ZNF679: variants seen among roughly 807,000 people sequenced by gnomAD.
ZNF679 encodes the protein hypothetical protein MGC42415.
ZNF679 carries 10 observed loss-of-function variants against 13.4 expected under a neutral mutation model. The ratio of observed to expected loss-of-function variants is 0.75; its 90% CI spans 0.46 to 1.27. The LOEUF is 1.27. Ranked by LOEUF, ZNF679 falls within the 50% of genes most tolerant of loss-of-function variation. ZNF679 has a pLI of 0.00. For synonymous variants in ZNF679, 179 were observed against 162.5 expected (o/e 1.10, Z -0.77); for missense variants, 525 against 477.8 (o/e 1.10, Z -0.92).
intron 1 of ZNF679, among the ~76,000 whole-genome samples, chr7:64,241,844 A>G (rs1340036696): frequency 6.6e-6 from 1 of 152,234 alleles, no homozygotes; most frequent in African/African-American, 2.4e-5. Context: ...GGTATATGTT[A>G]CAATCTTAAC....
At chr7:64,246,943 A>G (rs777125103) in intron 1 of ZNF679, among the ~76,000 whole-genome samples, 44 of 152,184 alleles carry the variant, frequency 2.9e-4, no homozygotes, top group Non-Finnish European at 3.2e-4. Context: ...ATGCTAAACA[A>G]GGGGTGGATT....
At chr7:64,247,858 G>GTT (rs75515984) in intron 1 of ZNF679, among the ~76,000 whole-genome samples, 39 of 147,974 alleles carry the variant, frequency 2.6e-4, no homozygotes, top group South Asian at 6.4e-4. Context: ...GCCCTACCAT[G>GTT]TTTTTTTTTT....
Position 64,266,801 on chromosome 7 carries a change from A to G in ZNF679, c.1168A>G (p.Lys390Glu). ...YKCEECDKAF[K>E]WSSSLANHKS... ...ATGTGAAGAATGTGACAAAGCTTTT[A>G]AGTGGTCCTCAAGTCTTGCTAATCA... The change falls in exon 5 of 5, where the codon AAG (lysine) becomes GAG (glutamate). Residue 390 changes from lysine to glutamate, a missense_variant. Physicochemically the swap from Lys to Glu is moderately conservative, Grantham distance 56. Transcript: ENST00000421025. 6.2e-7 allele frequency: 1 copy of G among 1,606,504 alleles called. No homozygotes were observed. The highest frequency in any genetic ancestry group is 1.7e-5 in the Admixed American group (1 of 58,772).
At position 64,266,479 on chromosome 7, in the gene ZNF679, A is replaced by T. The variant is rs778775086; in HGVS notation, c.846A>T (p.Thr282=). 6.2e-7 allele frequency: 1 copy of T among 1,611,936 alleles called. No individual in the cohort carries two copies. The highest frequency in any genetic ancestry group is 8.5e-7 in the Non-Finnish European group (1 of 1,179,278). ...ECGQAFSRSS[T]LANHKRIHTG... ...GCCAAGCCTTTAGCCGCTCCTCAAC[A>T]CTTGCTAACCACAAGAGAATTCATA... Residue 282 remains threonine (T), a synonymous_variant, in exon 5 of 5, where the codon ACA becomes ACT. Transcript: ENST00000421025.
chr7:64,245,377 T>C lies in ZNF679; in HGVS notation c.-90-3651T>C, dbSNP rs559017211. ...TTCAACATGTGATCTTTGGGGAAGA[T>C]GGTGGCCCAGAGTAACAGAAAAGAT... On this transcript the variant is annotated intron_variant, in intron 1 of 4. Coordinates refer to ENST00000421025, the MANE Select transcript of ZNF679 (RefSeq NM_153363.3). 2.8e-5 allele frequency among the ~76,000 whole-genome samples: 4 copies of C among 143,328 alleles called. No individual in the cohort carries two copies. The East Asian group carries it at 8.3e-4, about 30-fold the overall frequency. 94.0% of individuals were successfully genotyped at this position (143,328 alleles called of 152,430 possible).
At chr7:64,230,011 C>A (rs934390885) in intron 1 of ZNF679, among the ~76,000 whole-genome samples, 2 of 152,220 alleles carry the variant, frequency 1.3e-5, no homozygotes, top group Admixed American at 6.5e-5. Context: ...ACAATTCCCA[C>A]TGTCGGCATG....
rs775332486 is a variant in ZNF679, at chr7:64,260,210, T to C, written c.40-11T>C. On this transcript the variant is annotated splice_polypyrimidine_tract_variant and intron_variant, in intron 2 of 4. Coordinates refer to ENST00000421025, the MANE Select transcript of ZNF679 (RefSeq NM_153363.3). ...CATGAGTGTTTTTTTGTTGTTGTTA[T>C]TGTTTTTCAGGGACTGTTGACATTC... 25 of 1,590,716 alleles carry C rather than the reference T, an allele frequency of 1.6e-5. No homozygotes were observed. The African/African-American group carries it at 1.8e-4, about 11-fold the overall frequency.
Position 64,266,398 on chromosome 7 carries a change from T to C in ZNF679, c.765T>C (p.Leu255=). 6.2e-7 allele frequency: 1 copy of C among 1,612,878 alleles called. No homozygotes were observed. The highest frequency in any genetic ancestry group is 8.5e-7 in the Non-Finnish European group (1 of 1,179,404). ...AAGCTTTTACCTGGTCCTCAACCCT[T>C]ACTAAACATAGGAGAATTCATACTG... The part of the protein sequence containing the change: ...CGKAFTWSST[L]TKHRRIHTGE... The change falls in exon 5 of 5, where the codon CTT becomes CTC. Residue 255 remains leucine, a synonymous_variant. Transcript: ENST00000421025.
chr7:64,265,355 TAGGTAGCTACTTTCCAC>T, intron 4 of ZNF679, among the ~76,000 whole-genome samples: 1 of 152,310 alleles, frequency 6.6e-6, no homozygotes, highest in Non-Finnish European at 1.5e-5. Context: ...TTCTTACCAG[TAGGTAGCTACTTTCCAC>T]ACCTATTTTC....
Position 64,266,285 on chromosome 7 carries a change from G to A in ZNF679, c.652G>A (p.Gly218Ser), listed in dbSNP as rs779462779. 2.6e-5 allele frequency: 42 copies of A among 1,600,604 alleles called. No homozygotes were observed. The highest frequency in any genetic ancestry group is 3.3e-4 in the Middle Eastern group (2 of 6,066). ...GAATTCCTACCAATGTGAAGAATGC[G>A]GCAAACCCTTCAACTGCTCTTCAAC... is the stretch of plus-strand genomic sequence containing the variant. Reference protein sequence around the residue: ...RENSYQCEECGKPFNCSSTLS... With the variant: ...RENSYQCEECSKPFNCSSTLS... Residue 218 changes from glycine to serine, a missense_variant, in exon 5 of 5, where the codon GGC becomes AGC. Coordinates refer to ENST00000421025, the MANE Select transcript of ZNF679 (RefSeq NM_153363.3).
intron 2 of ZNF679, among the ~76,000 whole-genome samples, chr7:64,249,764 G>A (rs1358791713): frequency 6.6e-6 from 1 of 152,126 alleles, no homozygotes; most frequent in Non-Finnish European, 1.5e-5. Flanking sequence ...AAATTTCTTG[G>A]CTATGTCATC....
intron 2 of ZNF679, among the ~76,000 whole-genome samples, chr7:64,253,525 G>A (rs773393910): frequency 6.6e-5 from 10 of 152,310 alleles, no homozygotes; most frequent in Non-Finnish European, 1.2e-4. Flanking sequence ...ATGGGAATTG[G>A]AAAGACCTTA....
intron 2 of ZNF679, among the ~76,000 whole-genome samples, chr7:64,258,698 CAA>C (rs548892451): frequency 1.6e-3 from 163 of 98,808 alleles, no homozygotes; most frequent in Middle Eastern, 6.8e-3. Flanking sequence ...AAGATGGTCT[CAA>C]AAAAAAAAAA....
At position 64,265,960 on chromosome 7, in the gene ZNF679, A is replaced by T; in HGVS notation, c.327A>T (p.Lys109Asn). 1 of 1,613,908 alleles carries T rather than the reference A, an allele frequency of 6.2e-7. No homozygotes were observed. Among genetic ancestry groups the T allele is most frequent in the Non-Finnish European group, 8.5e-7 (1 of 1,179,884 alleles). ...PELGIKDSLQ[K>N]VIPRRYGKSG... Reference sequence around the variant, plus strand: ...TAGGCATAAAAGATTCACTCCAAAAAGTAATACCAAGAAGATATGGAAAAA... The same window carrying T: ...TAGGCATAAAAGATTCACTCCAAAATGTAATACCAAGAAGATATGGAAAAA... Residue 109 changes from lysine (K) to asparagine (N), a missense_variant, in exon 5 of 5, where the codon AAA (lysine) becomes AAT (asparagine). Transcript: ENST00000421025.
At position 64,266,206 on chromosome 7, in the gene ZNF679, A is replaced by G. The variant is rs1305998355; in HGVS notation, c.573A>G (p.Lys191=). The G allele has an allele frequency of 7.0e-6, 11 of 1,581,794 alleles. No homozygotes were observed. The highest frequency in any genetic ancestry group is 9.5e-6 in the Non-Finnish European group (11 of 1,162,222). ...KKHFKCKKYG[K]SFCMVSQLHQ... Reference sequence around the variant, plus strand: ...ATTTCAAATGTAAAAAATATGGCAAATCATTTTGCATGGTTTCACAACTAC... The same window carrying G: ...ATTTCAAATGTAAAAAATATGGCAAGTCATTTTGCATGGTTTCACAACTAC... The change falls in exon 5 of 5, where the codon AAA becomes AAG. Residue 191 remains lysine, a synonymous_variant. Transcript: ENST00000421025.
intron 2 of ZNF679, among the ~76,000 whole-genome samples, chr7:64,252,949 C>A (rs1454654340): frequency 6.6e-6 from 1 of 152,194 alleles, no homozygotes; most frequent in Non-Finnish European, 1.5e-5. Flanking sequence ...AACTCCTGAC[C>A]TCAGGTGATC....
intron 2 of ZNF679, among the ~76,000 whole-genome samples, chr7:64,258,070 G>T (rs1244263368): frequency 6.6e-6 from 1 of 152,140 alleles, no homozygotes; most frequent in African/African-American, 2.4e-5. Context: ...GGTCAGTGCG[G>T]TTCGTGCTCC....
intron 1 of ZNF679, among the ~76,000 whole-genome samples, chr7:64,244,703 T>C (rs1787843171): frequency 6.6e-6 from 1 of 152,216 alleles, no homozygotes; most frequent in Non-Finnish European, 1.5e-5. Context: ...ACTCATTTCC[T>C]AAGCCAGAAA....
intron 4 of ZNF679, among the ~76,000 whole-genome samples, chr7:64,263,780 A>T (rs769748268): frequency 2.0e-5 from 3 of 152,188 alleles, no homozygotes; most frequent in Non-Finnish European, 4.4e-5. Context: ...GTGCTGGCAT[A>T]TACATCTTGT....
Sources: allele counts gnomAD v4.1 joint callset (sites outside exome capture counted in the v4.1 genomes callset), GRCh38; gene constraint gnomAD v4.1.1; transcripts MANE v1.5; gene names NCBI Gene and HGNC (gene_info 2026-07-23, HGNC 2026-07-21).